The following CPNE4 variants were observed in gnomAD, a reference collection of about 807,000 sequenced individuals.
CPNE4 encodes copine 4, also known as copine-4.
A neutral mutation model predicts 67.9 loss-of-function variants in CPNE4; 25 were observed. That is an observed-to-expected ratio of 0.37 (90% CI 0.27 to 0.51). The LOEUF (loss-of-function observed/expected upper bound fraction) is 0.51, where lower values mean the gene tolerates loss of function less well. Ranked by LOEUF, CPNE4 falls within the 20% of genes least tolerant of loss-of-function variation. CPNE4 has a pLI of 0.93. For missense variants in CPNE4, 464 were observed against 690.8 expected (o/e 0.67, Z 3.68); for synonymous variants, 242 against 244.9 (o/e 0.99, Z 0.11).
intron 6 of CPNE4, among the ~76,000 whole-genome samples, chr3:131,672,927 A>T (rs2080461194): frequency 6.6e-6 from 1 of 152,022 alleles, no homozygotes; most frequent in Non-Finnish European, 1.5e-5. Flanking sequence ...CCAATGACTT[A>T]GAGAGTTTCC....
chr3:131,976,081 G>GTTT (rs59067649), intron 1 of CPNE4, among the ~76,000 whole-genome samples: 18,365 of 136,528 alleles, frequency 0.13, 1,855 homozygotes, highest in African/African-American at 0.27. Context: ...AATATTGTTG[G>GTTT]TTTTTTTTTT....
chr3:131,660,470 G>A (rs2080095620), intron 7 of CPNE4, among the ~76,000 whole-genome samples: 1 of 152,154 alleles, frequency 6.6e-6, no homozygotes, highest in East Asian at 1.9e-4. Context: ...AAAATAAGAA[G>A]GAGGCTTGAA....
At chr3:131,843,994 TG>T (rs1310372506) in intron 2 of CPNE4, among the ~76,000 whole-genome samples, 1 of 152,122 alleles carries the variant, frequency 6.6e-6, no homozygotes, top group Non-Finnish European at 1.5e-5. Flanking sequence ...CTAGAAGATG[TG>T]GGAAGCATGG....
rs149887152 is a variant in CPNE4, at chr3:131,552,149, T to TTTA, written c.1168+288_1168+290dup. 1.1e-3 allele frequency among the ~76,000 whole-genome samples: 172 copies of TTTA among 150,784 alleles called. 1 individual carries two copies. Among genetic ancestry groups the TTTA allele is most frequent in the African/African-American group, 3.1e-3 (127 of 41,172 alleles). Reference sequence around the variant, plus strand: ...TCACTGCCTACCAGGTGAAGTTTCATTTATTATTATTATTATTATTATGGC... The same window carrying TTTA: ...TCACTGCCTACCAGGTGAAGTTTCATTTATTATTATTATTATTATTATTATGGC... On this transcript the variant is annotated intron_variant, in intron 13 of 15. Coordinates refer to ENST00000429747, the MANE Select transcript of CPNE4 (RefSeq NM_130808.3).
intron 7 of CPNE4, among the ~76,000 whole-genome samples, chr3:131,606,665 T>C (rs1026725854): frequency 1.3e-5 from 2 of 152,152 alleles, no homozygotes; most frequent in Non-Finnish European, 1.5e-5. Context: ...TTGCCAATCC[T>C]TGGGATTCTC....
chr3:131,763,068 G>C (rs1317527922), intron 2 of CPNE4, among the ~76,000 whole-genome samples: 1 of 151,952 alleles, frequency 6.6e-6, no homozygotes, highest in East Asian at 1.9e-4. Context: ...TGACCATCTA[G>C]GATACCTTCC....
At chr3:131,684,424 A>G (rs1341336113) in intron 6 of CPNE4, among the ~76,000 whole-genome samples, 1 of 152,256 alleles carries the variant, frequency 6.6e-6, no homozygotes, top group African/African-American at 2.4e-5. Context: ...TGCAATAGAC[A>G]TACTATTTAT....
chr3:131,674,113 C>T (rs1161860125), intron 6 of CPNE4, among the ~76,000 whole-genome samples: 1 of 152,022 alleles, frequency 6.6e-6, no homozygotes, highest in Non-Finnish European at 1.5e-5. Context: ...TGATGTATCA[C>T]ATTGATTGAT....
At chr3:131,666,845 A>G (rs2080276014) in intron 7 of CPNE4, among the ~76,000 whole-genome samples, 1 of 152,206 alleles carries the variant, frequency 6.6e-6, no homozygotes, top group Non-Finnish European at 1.5e-5. Context: ...AGGAGGCTTC[A>G]GAGACATCTC....
At chr3:131,960,953 G>C (rs2072150599) in intron 1 of CPNE4, among the ~76,000 whole-genome samples, 2 of 152,068 alleles carry the variant, frequency 1.3e-5, no homozygotes, top group Non-Finnish European at 1.5e-5. Context: ...CAGTGTAATT[G>C]GTCTGTTACT....
intron 2 of CPNE4, among the ~76,000 whole-genome samples, chr3:131,833,468 C>T (rs113539514): frequency 0.032 from 4,829 of 152,200 alleles, 182 homozygotes; most frequent in South Asian, 0.095. Flanking sequence ...CCCAGGCAGG[C>T]GGATCACTTG....
chr3:131,842,916 A>G (rs1254716648), intron 2 of CPNE4, among the ~76,000 whole-genome samples: 1 of 152,150 alleles, frequency 6.6e-6, no homozygotes, highest in African/African-American at 2.4e-5. Flanking sequence ...ATTTACCCAT[A>G]AGACAAATAC....
At chr3:131,588,272 G>T (rs757194109) in intron 7 of CPNE4, among the ~76,000 whole-genome samples, 1 of 152,212 alleles carries the variant, frequency 6.6e-6, no homozygotes, top group South Asian at 2.1e-4. Flanking sequence ...TTCAGCTCTC[G>T]AGTGATACTT....
chr3:131,973,397 A>G (rs2072554288), intron 1 of CPNE4, among the ~76,000 whole-genome samples: 1 of 152,234 alleles, frequency 6.6e-6, no homozygotes, highest in African/African-American at 2.4e-5. Flanking sequence ...AGTAATAATA[A>G]TAATAGAAAT....
At chr3:131,924,311 A>G (rs1560609411) in intron 1 of CPNE4, among the ~76,000 whole-genome samples, 1 of 152,180 alleles carries the variant, frequency 6.6e-6, no homozygotes, top group East Asian at 1.9e-4. Flanking sequence ...AAGGCAAGAG[A>G]AGCAGAAACT....
chr3:131,825,189 C>A (rs907996059), intron 2 of CPNE4, among the ~76,000 whole-genome samples: 1 of 151,268 alleles, frequency 6.6e-6, no homozygotes, highest in Non-Finnish European at 1.5e-5. Flanking sequence ...AGCCTCAGAG[C>A]AGCAAATAAA....
intron 2 of CPNE4, among the ~76,000 whole-genome samples, chr3:131,815,242 C>A (rs1166082849): frequency 6.6e-6 from 1 of 151,742 alleles, no homozygotes; most frequent in Non-Finnish European, 1.5e-5. Flanking sequence ...GTTCTGAGAT[C>A]AAAAAATTGG....
rs2086279631 is a variant in CPNE4 at position 131,852,548 on chromosome 3, G to A, written c.180+52716C>T. ...ATAAAGCACATCTATGACAAACCTG[G>A]AGCTGACACCATATTTTATGGTGAA... is the stretch of plus-strand genomic sequence containing the variant. On this transcript the variant is annotated intron_variant, in intron 2 of 15. Transcript: ENST00000429747. Among the ~76,000 whole-genome samples, 4 of 151,806 alleles carry A rather than the reference G, an allele frequency of 2.6e-5. No individual in the cohort carries two copies. In the South Asian group the frequency reaches 6.2e-4, roughly 24 times the overall value.
chr3:131,997,355 G>A (rs186136332), intron 1 of CPNE4, among the ~76,000 whole-genome samples: 10 of 152,112 alleles, frequency 6.6e-5, no homozygotes, highest in Middle Eastern at 3.4e-3. Context: ...AGCTGAAGAC[G>A]GTTAATGCTA....
Sources: gnomAD v4.1 joint callset for allele counts (sites outside exome capture counted in the v4.1 genomes callset) on GRCh38, gnomAD v4.1.1 for gene constraint, MANE v1.5 for transcripts, NCBI Gene and HGNC (gene_info 2026-07-23, HGNC 2026-07-21) for gene names.